The following CCDC81 variants were observed in gnomAD, a reference collection of about 807,000 sequenced individuals.
CCDC81 encodes coiled-coil domain containing 81.
Under a neutral mutation model 83.7 loss-of-function variants are expected in CCDC81, and 79 were observed. That is an observed-to-expected ratio of 0.94 (90% CI 0.79 to 1.14). The LOEUF (loss-of-function observed/expected upper bound fraction) is 1.14. CCDC81 is among the 50% of genes most tolerant of loss of function. The probability of loss-of-function intolerance (pLI) is 0.00; values close to 1 mark genes in which losing one functional copy is unlikely to be tolerated. For synonymous variants in CCDC81, 252 were observed against 278.1 expected, an observed-to-expected ratio of 0.91 and a Z score of 0.93; for missense variants, 791 against 778.1, an observed-to-expected ratio of 1.02 and a Z score of -0.20.
At chr11:86,405,785 C>CA (rs1672283488) in intron 7 of CCDC81, among the ~76,000 whole-genome samples, 1 of 128,628 alleles carries the variant, frequency 7.8e-6, no homozygotes, top group East Asian at 2.1e-4. Context: ...CTTCTTTTTT[C>CA]TTTTTTTTTT....
intron 3 of CCDC81, among the ~76,000 whole-genome samples, chr11:86,390,290 T>C (rs761331011): frequency 6.6e-6 from 1 of 152,092 alleles, no homozygotes; most frequent in Non-Finnish European, 1.5e-5. Flanking sequence ...TGGAAGATAT[T>C]TCAGGAACAA....
At chr11:86,422,406 G>A (rs1441293143) in intron 14 of CCDC81, among the ~76,000 whole-genome samples, 168 bp from the exon 15 acceptor site, 3 of 152,184 alleles carry the variant, frequency 2.0e-5, no homozygotes, top group Admixed American at 2.0e-4. Context: ...CGACAAGCCA[G>A]CAGAAGTCTG....
intron 6 of CCDC81, among the ~76,000 whole-genome samples, chr11:86,399,203 G>A (rs1426788400): frequency 4.6e-5 from 7 of 152,134 alleles, no homozygotes; most frequent in African/African-American, 1.4e-4. Flanking sequence ...TGTTTTCTAC[G>A]TGTGGCCTAC....
At chr11:86,381,889 G>C (rs1948181206) in intron 1 of CCDC81, among the ~76,000 whole-genome samples, 1 of 152,186 alleles carries the variant, frequency 6.6e-6, no homozygotes, top group Admixed American at 6.5e-5. Flanking sequence ...TTGGAATTAA[G>C]TAGATGAAAT....
rs569452497 is a variant in CCDC81 at position 86,414,957 on chromosome 11, G to A, written c.1470+90G>A. 2.5e-5 allele frequency: 35 copies of A among 1,397,054 alleles called. No individual in the cohort carries two copies. The East Asian group carries it at 6.1e-4, about 25-fold the overall frequency. 86.5% of individuals were successfully genotyped at this position (1,397,054 alleles called of 1,614,324 possible). A position where few individuals can be genotyped will look rare whatever the true frequency, so the allele number is the denominator to read the frequency against. Reference sequence around the variant, plus strand: ...TGTAAGTTGTTACGAATATTTTTATGTGTTATGCATTTGGTAGTTTTTGTG... The same window carrying A: ...TGTAAGTTGTTACGAATATTTTTATATGTTATGCATTTGGTAGTTTTTGTG... On this transcript the variant is annotated intron_variant, in intron 12 of 14. Transcript: ENST00000445632.
At chr11:86,406,790 G>A (rs1012517904) in intron 7 of CCDC81, among the ~76,000 whole-genome samples, 3 of 152,102 alleles carry the variant, frequency 2.0e-5, no homozygotes, top group Admixed American at 1.3e-4. Context: ...GGGTGACAGA[G>A]CGAGACTCTG....
chr11:86,376,910 T>G (rs1948105729), intron 1 of CCDC81, among the ~76,000 whole-genome samples: 1 of 152,250 alleles, frequency 6.6e-6, no homozygotes, highest in African/African-American at 2.4e-5. Flanking sequence ...TATAGTCATA[T>G]AGAGTATTTC....
chr11:86,387,418 A>G, intron 2 of CCDC81, 98 bp from the exon 3 acceptor site: 1 of 1,192,892 alleles, frequency 8.4e-7, no homozygotes, highest in Non-Finnish European at 1.2e-6. Flanking sequence ...TTAAGGCCTA[A>G]GCTTACTTCT....
Position 86,422,811 on chromosome 11 carries a change from A to G in CCDC81, c.*96A>G. 1 of 1,256,086 alleles carries G rather than the reference A, an allele frequency of 8.0e-7. No individual in the cohort carries two copies. The highest frequency in any genetic ancestry group is 1.1e-6 in the Non-Finnish European group (1 of 902,324). 77.8% of individuals were successfully genotyped at this position (1,256,086 alleles called of 1,614,324 possible). ...ACTGCGTATTTTTACCTCAGAGAAA[A>G]AAATCATTGTTTAGGTTTGGTGCTT... On this transcript the variant is annotated 3_prime_UTR_variant, in exon 15 of 15. Transcript: ENST00000445632.
rs760616440 is a variant in CCDC81, at chr11:86,395,353, C to T, written c.575C>T (p.Ser192Leu). 4.3e-6 allele frequency: 7 copies of T among 1,613,822 alleles called. No individual in the cohort carries two copies. The highest frequency in any genetic ancestry group is 2.2e-5 in the East Asian group (1 of 44,884). The change falls in exon 5 of 15, where the codon TCG (serine) becomes TTG (leucine). Residue 192 changes from serine to leucine, a missense_variant. By Grantham distance (145) the Ser-to-Leu change is moderately radical. Coordinates refer to ENST00000445632, the MANE Select transcript of CCDC81 (RefSeq NM_001156474.2). ...ALANRPGTVDSVLSSREALRK... is the reference protein window; with the variant it reads ...ALANRPGTVDLVLSSREALRK... ...CTCTAGAGGCCTGGCACTGTGGACT[C>T]GGTGTTGTCTAGCAGAGAGGCCTTG...
Position 86,412,442 on chromosome 11 carries a change from A to C in CCDC81, c.1274A>C (p.Gln425Pro), listed in dbSNP as rs752393338. Reference protein sequence around the residue: ...PLSPALNALKQEEYSRSLLKQ... With the variant: ...PLSPALNALKPEEYSRSLLKQ... The stretch of plus-strand genomic sequence containing the variant: ...AGTCCTGCGCTTAATGCTCTTAAGC[A>C]AGAGGAATATTCCCGGAGTCTCCTG... Residue 425 changes from glutamine to proline, a missense_variant, in exon 11 of 15, where the codon CAA becomes CCA. Physicochemically the swap from Gln to Pro is moderately conservative, Grantham distance 76. Transcript: ENST00000445632. 1.4e-5 allele frequency: 22 copies of C among 1,613,704 alleles called. No individual in the cohort carries two copies. The highest frequency in any genetic ancestry group is 1.7e-5 in the Non-Finnish European group (20 of 1,179,762).
At position 86,374,970 on chromosome 11, in the gene CCDC81, C is replaced by A; in HGVS notation, c.-194C>A. On this transcript the variant is annotated 5_prime_UTR_variant, in exon 1 of 15. Transcript: ENST00000445632. The stretch of plus-strand genomic sequence containing the variant: ...AGCAGTGGGGAGGGACGGCGAGAAC[C>A]AATGTTTAAGTTTATTTAAGAAAGA... 1.6e-6 allele frequency: 1 copy of A among 607,368 alleles called. No individual in the cohort carries two copies. The highest frequency in any genetic ancestry group is 3.0e-6 in the Non-Finnish European group (1 of 336,536). 37.6% of individuals were successfully genotyped at this position (607,368 alleles called of 1,614,324 possible).
Position 86,420,006 on chromosome 11 carries a change from T to C in CCDC81, c.1770T>C (p.Ser590=), listed in dbSNP as rs142431735. The C allele has an allele frequency of 2.5e-6, 4 of 1,613,724 alleles. No homozygotes were observed. The Admixed American group carries it at 5.0e-5, about 20-fold the overall frequency. The change falls in exon 14 of 15, where the codon AGT becomes AGC. Residue 590 remains serine, a synonymous_variant. Transcript: ENST00000445632. ...GCTTACAGGAGGACTGGGAAAGGAGTGCTGCGATGAAGAAGCAGCGAGACC... is the reference window on the plus strand; with the variant it reads ...GCTTACAGGAGGACTGGGAAAGGAGCGCTGCGATGAAGAAGCAGCGAGACC... ...NQCLQEDWER[S]AAMKKQRDLE... is the part of the protein sequence containing the mutation.
At chr11:86,407,498 G>C in intron 7 of CCDC81, 116 bp from the exon 8 acceptor site, 1 of 692,616 alleles carries the variant, frequency 1.4e-6, no homozygotes, top group South Asian at 1.8e-5. Context: ...ACATATAGCT[G>C]TTTTGAAGTA....
chr11:86,390,472 T>A (rs145101319), intron 3 of CCDC81, among the ~76,000 whole-genome samples: 1 of 152,332 alleles, frequency 6.6e-6, no homozygotes, highest in Non-Finnish European at 1.5e-5. Flanking sequence ...GAATTCATCC[T>A]GTAGGCACTG....
intron 1 of CCDC81, among the ~76,000 whole-genome samples, chr11:86,379,711 T>C (rs984131170): frequency 6.6e-6 from 1 of 152,234 alleles, no homozygotes; most frequent in Non-Finnish European, 1.5e-5. Flanking sequence ...GTGCAGTGGC[T>C]CATGCTTGTA....
At chr11:86,419,898 T>G (rs779310288) in intron 13 of CCDC81, 30 bp from the exon 14 acceptor site, 40 of 1,586,506 alleles carry the variant, frequency 2.5e-5, no homozygotes, top group Non-Finnish European at 2.8e-5. Flanking sequence ...TTCCAAGTAT[T>G]ATGGAGCCAG....
chr11:86,374,939 A>G lies in CCDC81; in HGVS notation c.-225A>G, dbSNP rs985590946. 1.8e-5 allele frequency: 9 copies of G among 507,322 alleles called. No individual in the cohort carries two copies. Among genetic ancestry groups the G allele is most frequent in the African/African-American group, 1.6e-4 (8 of 51,432 alleles). 31.4% of individuals were successfully genotyped at this position (507,322 alleles called of 1,614,324 possible). A position where few individuals can be genotyped will look rare whatever the true frequency, so the allele number is the denominator to read the frequency against. On this transcript the variant is annotated 5_prime_UTR_variant, in exon 1 of 15. Transcript: ENST00000445632. Reference sequence around the variant, plus strand: ...GCTCTTGCTGTGGGAGCTGCCCGAGAGCCAGAGCAGTGGGGAGGGACGGCG... The same window carrying G: ...GCTCTTGCTGTGGGAGCTGCCCGAGGGCCAGAGCAGTGGGGAGGGACGGCG...
intron 13 of CCDC81, among the ~76,000 whole-genome samples, chr11:86,417,632 A>C (rs1276690717): frequency 6.6e-6 from 1 of 151,944 alleles, no homozygotes; most frequent in African/African-American, 2.4e-5. Flanking sequence ...TTGTTTCCAG[A>C]TATTTTGTAT....
Sources: allele counts gnomAD v4.1 joint callset (sites outside exome capture counted in the v4.1 genomes callset), GRCh38; gene constraint gnomAD v4.1.1; transcripts MANE v1.5; gene names NCBI Gene and HGNC (gene_info 2026-07-23, HGNC 2026-07-21).